FAM174B: variants seen among roughly 807,000 people sequenced by gnomAD.
FAM174B encodes the protein family with sequence similarity 174 member B, also known as membrane protein FAM174B.
A neutral mutation model predicts 10.9 loss-of-function variants in FAM174B; 12 were observed. That is an observed-to-expected ratio of 1.10 (90% CI 0.71 to 1.79). The LOEUF is 1.79. Among genes scored for constraint, FAM174B ranks in the 40% most tolerant of loss-of-function variants. The pLI is 0.00. For synonymous variants in FAM174B, 132 were observed against 115.8 expected, an observed-to-expected ratio of 1.14 and a Z score of -0.90; for missense variants, 266 against 233.3, an observed-to-expected ratio of 1.14 and a Z score of -0.91.
intron 1 of FAM174B, among the ~76,000 whole-genome samples, chr15:92,631,397 ATATTATATTAT>A (rs2050813528): frequency 7.1e-5 from 3 of 42,254 alleles, no homozygotes; most frequent in African/African-American, 1.4e-4. Context: ...ATTATATATT[ATATTATATTAT>A]ATATAATATA....
intron 1 of FAM174B, among the ~76,000 whole-genome samples, chr15:92,638,418 T>C (rs943915884): frequency 4.6e-5 from 7 of 152,198 alleles, no homozygotes; most frequent in East Asian, 1.9e-4. Context: ...GTCCCACTTA[T>C]ACAAACAAGG....
intron 2 of FAM174B, among the ~76,000 whole-genome samples, chr15:92,626,139 A>ACGGAGTCCCGCTCTTTCAC (rs373252541): frequency 1.5e-5 from 2 of 137,422 alleles, no homozygotes; most frequent in South Asian, 2.3e-4. Context: ...TTTTTTTGAG[A>ACGGAGTCCCGCTCTTTCAC]CCAGGCCGGA....
chr15:92,630,410 C>G (rs1369571845), intron 1 of FAM174B, 65 bp from the exon 2 acceptor site: 1 of 1,474,588 alleles, frequency 6.8e-7, no homozygotes, highest in African/African-American at 1.4e-5. Flanking sequence ...GGGCCCCAAG[C>G]CCCAGAGGAC....
chr15:92,631,964 G>A (rs903795224), intron 1 of FAM174B, among the ~76,000 whole-genome samples: 1 of 151,972 alleles, frequency 6.6e-6, no homozygotes, highest in Non-Finnish European at 1.5e-5. Flanking sequence ...GTGCTTGTGT[G>A]ATCAGGGGCA....
At chr15:92,643,818 G>T (rs1372394972) in intron 1 of FAM174B, among the ~76,000 whole-genome samples, 2 of 152,140 alleles carry the variant, frequency 1.3e-5, no homozygotes, top group Non-Finnish European at 2.9e-5. Flanking sequence ...TGTAGCCCAA[G>T]GACCAGCGTT....
chr15:92,628,875 A>C (rs2050771976), intron 2 of FAM174B, among the ~76,000 whole-genome samples: 1 of 152,260 alleles, frequency 6.6e-6, no homozygotes, highest in Non-Finnish European at 1.5e-5. Flanking sequence ...AAAATGTATA[A>C]AACATTTATA....
intron 1 of FAM174B, among the ~76,000 whole-genome samples, chr15:92,644,543 C>T (rs534301046): frequency 6.6e-6 from 1 of 152,242 alleles, no homozygotes; most frequent in African/African-American, 2.4e-5. Flanking sequence ...ACCCTGGATG[C>T]ACCCTCGCCT....
chr15:92,633,181 C>A lies in FAM174B; in HGVS notation c.345-2836G>T, dbSNP rs78373968. ...CTACACATTCTTCTTGCTGACCATA[C>A]GCTATTCCCGAGTGGAGACCACATC... On this transcript the variant is annotated intron_variant, in intron 1 of 2. Transcript: ENST00000327355. 9.8e-3 allele frequency among the ~76,000 whole-genome samples: 1,491 copies of A among 152,242 alleles called. 16 individuals carry two copies. The highest frequency in any genetic ancestry group is 0.027 in the African/African-American group (1,107 of 41,526).
chr15:92,653,316 T>C (rs1306592968), intron 1 of FAM174B: 2 of 152,276 alleles, frequency 1.3e-5, no homozygotes, highest in African/African-American at 4.8e-5. Flanking sequence ...TCTGGGTGCA[T>C]GCTGCCTTCT....
At chr15:92,653,218 C>G (rs1426817213) in intron 1 of FAM174B, 1 of 152,174 alleles carries the variant, frequency 6.6e-6, no homozygotes, top group Non-Finnish European at 1.5e-5. Context: ...CTTCTTTCAA[C>G]ACTCCACACC....
In FAM174B at chr15:92,619,783, A is replaced by G; in HGVS notation, c.477-324T>C. ...TAGGGGTTGGAAAACTTCTTCTGTGACAGTCCAGAGAGGAAATATTGTAAA... is the reference window on the plus strand; with the variant it reads ...TAGGGGTTGGAAAACTTCTTCTGTGGCAGTCCAGAGAGGAAATATTGTAAA... On this transcript the variant is annotated intron_variant, in intron 2 of 2. Coordinates refer to ENST00000327355, the MANE Select transcript of FAM174B (RefSeq NM_207446.3). 3 of 422,636 alleles carry G rather than the reference A, an allele frequency of 7.1e-6. 1 individual carries two copies. Among genetic ancestry groups the G allele is most frequent in the Non-Finnish European group, 8.5e-6 (2 of 235,496 alleles). 26.2% of individuals were successfully genotyped at this position (422,636 alleles called of 1,614,324 possible).
In FAM174B at chr15:92,617,968, C is replaced by T. The variant is rs2050690615; in HGVS notation, c.*1488G>A. 1.1e-5 allele frequency: 4 copies of T among 360,650 alleles called. No homozygotes were observed. The East Asian group carries it at 1.2e-4, about 11-fold the overall frequency. The allele number at this position is 360,650 out of a possible 1,614,324, so 22.3% of individuals were successfully genotyped here. A position where few individuals can be genotyped will look rare whatever the true frequency, so the allele number is the denominator to read the frequency against. ...CTCTTTCCTGCAGAGGCGAAACTGC[C>T]TTCCTGGCAGGCGGAGGCTGCCGAG... On this transcript the variant is annotated 3_prime_UTR_variant, in exon 3 of 3. Coordinates refer to ENST00000327355, the MANE Select transcript of FAM174B (RefSeq NM_207446.3).
chr15:92,631,866 TG>T (rs1478810421), intron 1 of FAM174B, among the ~76,000 whole-genome samples: 4 of 152,004 alleles, frequency 2.6e-5, no homozygotes, highest in African/African-American at 7.3e-5. Context: ...AGATGTCCAA[TG>T]AGGACCGGGT....
chr15:92,631,232 A>G (rs1450497202), intron 1 of FAM174B, among the ~76,000 whole-genome samples: 11 of 4,008 alleles, frequency 2.7e-3, no homozygotes, highest in Non-Finnish European at 0.012. Flanking sequence ...TATATATAAT[A>G]TATTATATAT....
intron 2 of FAM174B, among the ~76,000 whole-genome samples, chr15:92,623,624 T>A (rs1356753428): frequency 6.6e-6 from 1 of 152,196 alleles, no homozygotes; most frequent in East Asian, 1.9e-4. Flanking sequence ...CAGGAACACC[T>A]GTTGCAGCAC....
intron 1 of FAM174B, among the ~76,000 whole-genome samples, chr15:92,641,225 G>T (rs1431471798): frequency 6.6e-6 from 1 of 152,208 alleles, no homozygotes; most frequent in African/African-American, 2.4e-5. Flanking sequence ...AAAACACACT[G>T]TTGGCAAGGA....
In FAM174B at chr15:92,630,936, CATATTAT is replaced by C. The variant is rs1247149631; in HGVS notation, c.345-598_345-592del. Among the ~76,000 whole-genome samples, 9 of 24,420 alleles carry C rather than the reference CATATTAT, an allele frequency of 3.7e-4. 2 individuals are homozygous for C. The highest frequency in any genetic ancestry group is 7.7e-4 in the East Asian group (1 of 1,296). 16.0% of individuals were successfully genotyped at this position (24,420 alleles called of 152,430 possible). A position where few individuals can be genotyped will look rare whatever the true frequency, so the allele number is the denominator to read the frequency against. ...ATTATATATTACGTATTACATATTA[CATATTAT>C]ATATTATATATTACGTATTACATAT... On this transcript the variant is annotated intron_variant, in intron 1 of 2. Transcript: ENST00000327355.
Position 92,655,537 on chromosome 15 carries a change from G to C in FAM174B, c.123C>G (p.Arg41=). Residue 41 remains arginine (R), a synonymous_variant, in exon 1 of 3, where the codon CGC becomes CGG. Transcript: ENST00000327355. ...CCGGGCCGGGCGGTGGCCGCGACTC[G>C]CGCTCGGGTTCGGGCCACGGCGCGG... ...SVSAPWPEPE[R]ESRPPPGPGP... is the part of the protein sequence containing the mutation. 1 of 1,477,452 alleles carries C rather than the reference G, an allele frequency of 6.8e-7. No individual in the cohort carries two copies. Among genetic ancestry groups the C allele is most frequent in the East Asian group, 3.0e-5 (1 of 33,652 alleles). 91.5% of individuals were successfully genotyped at this position (1,477,452 alleles called of 1,614,324 possible). A position where few individuals can be genotyped will look rare whatever the true frequency, so the allele number is the denominator to read the frequency against.
chr15:92,630,735 T>G, intron 1 of FAM174B, among the ~76,000 whole-genome samples: 1 of 117,324 alleles, frequency 8.5e-6, no homozygotes, highest in African/African-American at 3.5e-5. Flanking sequence ...ATTATATAAT[T>G]ATATATTTTT....
Sources: allele counts gnomAD v4.1 joint callset (sites outside exome capture counted in the v4.1 genomes callset), GRCh38; gene constraint gnomAD v4.1.1; transcripts MANE v1.5; gene names NCBI Gene and HGNC (gene_info 2026-07-23, HGNC 2026-07-21).